The following CACNA1C variants were observed in gnomAD, a reference collection of about 807,000 sequenced individuals.
CACNA1C encodes the protein voltage-dependent L-type calcium channel subunit alpha-1C.
In CACNA1C, 30 loss-of-function variants were observed where a neutral mutation model predicts 229.0. The observed-to-expected ratio is 0.13, with a 90% confidence interval of 0.10 to 0.18. CACNA1C has a LOEUF of 0.18. Ranked by LOEUF, CACNA1C falls within the 10% of genes least tolerant of loss-of-function variation. The probability of loss-of-function intolerance (pLI) is 1.00; values close to 1 mark genes in which losing one functional copy is unlikely to be tolerated. For synonymous variants in CACNA1C, 1,114 were observed against 1,132.5 expected, an observed-to-expected ratio of 0.98 and a Z score of 0.33; for missense variants, 1,658 against 2,845.0, an observed-to-expected ratio of 0.58 and a Z score of 9.49.
chr12:2,567,747 C>T lies in CACNA1C; in HGVS notation c.1848C>T (p.Ile616=). ...CCAAGATCATGTCCCCACTGGGCAT[C>T]TCCGTGCTCAGATGCGTCCGGCTGC... ...VETKIMSPLG[I]SVLRCVRLLR... is the part of the protein sequence containing the mutation. The change falls in exon 13 of 47, where the codon ATC becomes ATT. Residue 616 remains isoleucine, a synonymous_variant. Transcript: ENST00000399655. The T allele has an allele frequency of 6.2e-7, 1 of 1,613,494 alleles. No individual in the cohort carries two copies.
At chr12:2,124,869 G>T (rs370061081) in intron 3 of CACNA1C, among the ~76,000 whole-genome samples, 1 of 152,162 alleles carries the variant, frequency 6.6e-6, no homozygotes, top group Admixed American at 6.5e-5. Context: ...GGAGGAGCCC[G>T]TGGAGCGTGA....
chr12:2,041,554 G>A (rs146923810), intron 1 of CACNA1C, among the ~76,000 whole-genome samples: 3,939 of 152,212 alleles, frequency 0.026, 177 homozygotes, highest in African/African-American at 0.09. Flanking sequence ...GGGATTACAG[G>A]CATGAGCCAC....
chr12:2,097,930 A>G (rs2154094339), intron 1 of CACNA1C, among the ~76,000 whole-genome samples: 1 of 152,326 alleles, frequency 6.6e-6, no homozygotes, highest in South Asian at 2.1e-4. Flanking sequence ...GAGCAGTGAG[A>G]TGTCTGGACC....
At chr12:2,428,847 T>C (rs1020573360) in intron 3 of CACNA1C, among the ~76,000 whole-genome samples, 4 of 152,340 alleles carry the variant, frequency 2.6e-5, no homozygotes, top group Middle Eastern at 3.4e-3. Context: ...GTCCAAGCCT[T>C]GTCACGCTGA....
intron 8 of CACNA1C, among the ~76,000 whole-genome samples, chr12:2,506,342 C>T (rs926431696): frequency 2.0e-5 from 3 of 152,176 alleles, no homozygotes; most frequent in Non-Finnish European, 4.4e-5. Flanking sequence ...AACCTCATCA[C>T]CCTGAATCAA....
Position 2,651,509 on chromosome 12 carries a change from A to C in CACNA1C, c.3946-131A>C. On this transcript the variant is annotated intron_variant, in intron 31 of 46. Coordinates refer to ENST00000399655, the MANE Select transcript of CACNA1C (RefSeq NM_000719.7). This position sits in a 1 kb window ranked among gnomAD's most constrained non-coding sequence, Gnocchi z 5.4. ...GCGGCCGCCCTCCCATCGGAGGGGG[A>C]AGTCTAGTGCAGCAAACCCTGGCCT... 3 of 1,368,934 alleles carry C rather than the reference A, an allele frequency of 2.2e-6. No homozygotes were observed. Among genetic ancestry groups the C allele is most frequent in the Non-Finnish European group, 3.1e-6 (3 of 969,518 alleles). The allele number at this position is 1,368,934 out of a possible 1,614,324, so 84.8% of individuals were successfully genotyped here.
intron 1 of CACNA1C, among the ~76,000 whole-genome samples, chr12:1,997,141 T>C (rs2041126838): frequency 6.6e-6 from 1 of 152,262 alleles, no homozygotes; most frequent in Non-Finnish European, 1.5e-5. Flanking sequence ...TTATTAAATC[T>C]ATCCTGAAAC....
chr12:2,259,083 A>C (rs1217752771), intron 3 of CACNA1C, among the ~76,000 whole-genome samples: 1 of 152,204 alleles, frequency 6.6e-6, no homozygotes, highest in Non-Finnish European at 1.5e-5. Flanking sequence ...GGAACTCAAT[A>C]TTTCCTTCAC....
chr12:2,448,678 T>A (rs1481945384), intron 3 of CACNA1C, among the ~76,000 whole-genome samples: 1 of 152,144 alleles, frequency 6.6e-6, no homozygotes, highest in Non-Finnish European at 1.5e-5. Flanking sequence ...AAATGTCAAC[T>A]GATTAACTAA....
Position 2,282,542 on chromosome 12 carries a change from A to G in CACNA1C, c.477+162112A>G, listed in dbSNP as rs568157581. The stretch of plus-strand genomic sequence containing the variant: ...GGCCTGGAAAGCTTTGTCTGAGACA[A>G]TGACCTTAGGAGGAGGTCACCAAAA... On this transcript the variant is annotated intron_variant, in intron 3 of 46. Transcript: ENST00000399655. Among the ~76,000 whole-genome samples the G allele has an allele frequency of 7.2e-5, 11 of 152,332 alleles. No homozygotes were observed. In the South Asian group the frequency reaches 8.3e-4, roughly 11 times the overall value.
chr12:2,500,128 C>G (rs1257094733), intron 7 of CACNA1C, among the ~76,000 whole-genome samples: 1 of 151,884 alleles, frequency 6.6e-6, no homozygotes, highest in Non-Finnish European at 1.5e-5. Context: ...CTCATCTGTC[C>G]TCCTGCTTCC....
chr12:2,170,912 GC>G, intron 3 of CACNA1C, among the ~76,000 whole-genome samples: 1 of 152,228 alleles, frequency 6.6e-6, no homozygotes, highest in Non-Finnish European at 1.5e-5. Context: ...CACCCCTGCT[GC>G]TTGGGAGGGT....
In CACNA1C at chr12:2,585,439, G is replaced by C; in HGVS notation, c.2403G>C (p.Glu801Asp). The C allele has an allele frequency of 6.2e-7, 1 of 1,603,474 alleles. No individual in the cohort carries two copies. The highest frequency in any genetic ancestry group is 1.1e-5 in the South Asian group (1 of 89,586). The change falls in exon 17 of 47, where the codon GAG becomes GAC. Residue 801 changes from glutamate to aspartate, a missense_variant. By Grantham distance (45) the Glu-to-Asp change is conservative. Transcript: ENST00000399655. The surrounding 1 kb of genome is among the most constrained non-coding windows in gnomAD (Gnocchi z 4.1). The part of the protein sequence containing the change: ...VEKPAVGESK[E>D]EKIELKSITA... ...AGCCGGCAGTGGGGGAATCCAAGGA[G>C]GAGAAGATTGAGCTGAAATCCATCA...
In CACNA1C at chr12:2,260,002, C is replaced by G. The variant is rs1441788258; in HGVS notation, c.477+139572C>G. Among the ~76,000 whole-genome samples, 3 of 152,298 alleles carry G rather than the reference C, an allele frequency of 2.0e-5. No homozygotes were observed. The East Asian group carries it at 5.8e-4, about 29-fold the overall frequency. On this transcript the variant is annotated intron_variant, in intron 3 of 46. Transcript: ENST00000399655. ...CATGCTCAGAGAATCCCCCTCTCCC[C>G]ACCAGCATCCACCAGACTGCACACT...
intron 5 of CACNA1C, 64 bp downstream of exon 5, chr12:2,457,770 A>G: frequency 1.5e-6 from 2 of 1,376,302 alleles, no homozygotes; most frequent in Non-Finnish European, 1.9e-6. Context: ...TCCTTTGCTG[A>G]ATTGCCAAGA....
intron 3 of CACNA1C, among the ~76,000 whole-genome samples, chr12:2,201,189 C>T (rs1320572378): frequency 1.3e-5 from 2 of 152,134 alleles, no homozygotes; most frequent in African/African-American, 4.8e-5. Context: ...GAGAATCACA[C>T]ACACAGTCCC....
rs146464670 is a variant in CACNA1C at position 2,486,689 on chromosome 12, A to C, written c.916+427A>C. 4.0e-3 allele frequency among the ~76,000 whole-genome samples: 612 copies of C among 152,286 alleles called. 3 individuals are homozygous for C. The highest frequency in any genetic ancestry group is 0.013 in the African/African-American group (543 of 41,564). On this transcript the variant is annotated intron_variant, in intron 6 of 46. Coordinates refer to ENST00000399655, the MANE Select transcript of CACNA1C (RefSeq NM_000719.7). This position sits in a 1 kb window ranked among gnomAD's most constrained non-coding sequence, Gnocchi z 4.9. ...TTCACGGGGCCGCTTAGCCCTGAGC[A>C]ACAGGTTCTCCCAGCACCACTCTAA...
At chr12:2,381,035 A>G (rs911609382) in intron 3 of CACNA1C, among the ~76,000 whole-genome samples, 8 of 152,160 alleles carry the variant, frequency 5.3e-5, no homozygotes, top group African/African-American at 7.2e-5. Context: ...GCCCTTTGCA[A>G]GGTCTCCACG....
chr12:2,659,488 T>C (rs572480170), intron 34 of CACNA1C, among the ~76,000 whole-genome samples: 2 of 152,300 alleles, frequency 1.3e-5, no homozygotes, highest in African/African-American at 4.8e-5. Flanking sequence ...TGCCTAACCA[T>C]GCATCTCCCC....
Sources: allele counts gnomAD v4.1 joint callset (sites outside exome capture counted in the v4.1 genomes callset), GRCh38; gene constraint gnomAD v4.1.1; non-coding constraint Gnocchi (gnomAD v3.1); transcripts MANE v1.5; gene names NCBI Gene and HGNC (gene_info 2026-07-23, HGNC 2026-07-21).